The following PAX3 variants were observed in gnomAD, a reference collection of about 807,000 sequenced individuals.
PAX3 encodes the protein paired box protein Pax-3.
A neutral mutation model predicts 51.6 loss-of-function variants in PAX3; 14 were observed. The ratio of observed to expected loss-of-function variants is 0.27; its 90% CI spans 0.18 to 0.42. PAX3 has a LOEUF of 0.42. Ranked by LOEUF, PAX3 falls within the 10% of genes least tolerant of loss-of-function variation. The pLI is 1.00. For missense variants in PAX3, 540 were observed against 642.8 expected (o/e 0.84, Z 1.73); for synonymous variants, 280 against 253.4 (o/e 1.11, Z -1.00).
intron 4 of PAX3, among the ~76,000 whole-genome samples, chr2:222,233,746 T>G (rs1692698143): frequency 6.6e-6 from 1 of 152,148 alleles, no homozygotes; most frequent in Non-Finnish European, 1.5e-5. Context: ...AGCCTGGCTC[T>G]TGAACACATC....
At chr2:222,267,077 A>C (rs1694079113) in intron 4 of PAX3, among the ~76,000 whole-genome samples, 1 of 152,368 alleles carries the variant, frequency 6.6e-6, no homozygotes, top group East Asian at 1.9e-4. Context: ...GAGATTGCAC[A>C]TGATTCTAAC....
chr2:222,258,657 A>G (rs1693736061), intron 4 of PAX3, among the ~76,000 whole-genome samples: 1 of 152,176 alleles, frequency 6.6e-6, no homozygotes, highest in Non-Finnish European at 1.5e-5. Context: ...ATGCATCTAT[A>G]TGCTTCTCCC....
intron 5 of PAX3, among the ~76,000 whole-genome samples, chr2:222,228,872 G>A (rs1260079214): frequency 2.0e-5 from 3 of 152,228 alleles, no homozygotes; most frequent in East Asian, 1.9e-4. Context: ...TTGGAAGATC[G>A]AGGCTACACA....
intron 4 of PAX3, chr2:222,263,427 T>A (rs1693936860): frequency 6.6e-6 from 1 of 152,090 alleles, no homozygotes; most frequent in Non-Finnish European, 1.5e-5. Flanking sequence ...AAATTAAATG[T>A]CACTAAGAAT....
chr2:222,213,662 C>T (rs1483307398), intron 7 of PAX3, among the ~76,000 whole-genome samples: 2 of 152,210 alleles, frequency 1.3e-5, no homozygotes, highest in Non-Finnish European at 2.9e-5. Flanking sequence ...ATCAAAATCA[C>T]TCCTTTCTCT....
At chr2:222,228,279 C>T (rs987467876) in intron 5 of PAX3, among the ~76,000 whole-genome samples, 7 of 152,252 alleles carry the variant, frequency 4.6e-5, no homozygotes, top group South Asian at 2.1e-4. Context: ...CAAGAGTCAC[C>T]GGGTTAAAGC....
At chr2:222,281,825 C>A (rs1385212411) in intron 4 of PAX3, among the ~76,000 whole-genome samples, 1 of 152,154 alleles carries the variant, frequency 6.6e-6, no homozygotes, top group Non-Finnish European at 1.5e-5. Context: ...TAATGCAGGC[C>A]TGTTTCCATC....
intron 4 of PAX3, among the ~76,000 whole-genome samples, chr2:222,289,461 G>A (rs1226358041): frequency 6.6e-6 from 1 of 152,168 alleles, no homozygotes; most frequent in African/African-American, 2.4e-5. Flanking sequence ...GCCGCGCGCT[G>A]ACTGGTTCCG....
chr2:222,219,997 A>G, intron 7 of PAX3, 143 bp downstream of exon 7: 2 of 739,408 alleles, frequency 2.7e-6, no homozygotes, highest in South Asian at 3.5e-5. Flanking sequence ...GAGAGAAAGG[A>G]AACCAGAAAA....
chr2:222,249,627 A>G (rs1428837401), intron 4 of PAX3, among the ~76,000 whole-genome samples: 1 of 152,196 alleles, frequency 6.6e-6, no homozygotes, highest in Admixed American at 6.5e-5. Flanking sequence ...TTTCTTCTGC[A>G]TAGTCTACAA....
intron 4 of PAX3, among the ~76,000 whole-genome samples, chr2:222,286,172 A>G (rs1304464322): frequency 6.6e-6 from 1 of 152,178 alleles, no homozygotes; most frequent in Non-Finnish European, 1.5e-5. Flanking sequence ...TCCTAACCTC[A>G]GGTGATCCAC....
At chr2:222,273,249 G>C (rs1694311037) in intron 4 of PAX3, among the ~76,000 whole-genome samples, 1 of 152,108 alleles carries the variant, frequency 6.6e-6, no homozygotes, top group Non-Finnish European at 1.5e-5. Context: ...ACTGAATCTA[G>C]CAGTATGGAA....
chr2:222,205,638 T>TTA (rs1691476078), intron 7 of PAX3, among the ~76,000 whole-genome samples: 1 of 152,210 alleles, frequency 6.6e-6, no homozygotes, highest in Non-Finnish European at 1.5e-5. Flanking sequence ...ATAATGTGAT[T>TTA]TATTTCAATA....
intron 7 of PAX3, 102 bp downstream of exon 7, chr2:222,220,038 A>T (rs1040142783): frequency 1.0e-6 from 1 of 983,124 alleles, no homozygotes; most frequent in African/African-American, 1.6e-5. Context: ...TAAAGAATAC[A>T]TTATGGTTTA....
Position 222,298,525 on chromosome 2 carries a change from C to T in PAX3, c.85+6G>A, listed in dbSNP as rs777068833. ...ATCCAGGCGGCGCGCTGAGGCCCTC[C>T]CTTACCTTCCAGCGGGAACCCGCTA... On this transcript the variant is annotated splice_donor_region_variant and intron_variant, in intron 1 of 8. Coordinates refer to ENST00000392070, the MANE Select transcript of PAX3 (RefSeq NM_181458.4). 4.8e-5 allele frequency: 77 copies of T among 1,599,770 alleles called. No homozygotes were observed. The highest frequency in any genetic ancestry group is 4.3e-5 in the Non-Finnish European group (50 of 1,173,814).
intron 1 of PAX3, among the ~76,000 whole-genome samples, 186 bp from the exon 2 acceptor site, chr2:222,297,399 A>C (rs1186897366): frequency 6.6e-6 from 1 of 152,254 alleles, no homozygotes; most frequent in Non-Finnish European, 1.5e-5. Flanking sequence ...CAAATTATTC[A>C]GCAATATAGC....
intron 4 of PAX3, among the ~76,000 whole-genome samples, chr2:222,280,318 G>GGGGGA (rs926564018): frequency 1.5e-5 from 2 of 137,440 alleles, no homozygotes; most frequent in Admixed American, 1.5e-4. Context: ...GGAGGGAGGA[G>GGGGGA]GGGGAGGGGA....
chr2:222,269,830 G>C (rs1694187611), intron 4 of PAX3, among the ~76,000 whole-genome samples: 1 of 152,104 alleles, frequency 6.6e-6, no homozygotes, highest in Non-Finnish European at 1.5e-5. Flanking sequence ...CTTTAACATA[G>C]AAGGAAAAAA....
At chr2:222,279,319 G>GTGTGTGTA (rs1694551363) in intron 4 of PAX3, among the ~76,000 whole-genome samples, 2 of 151,130 alleles carry the variant, frequency 1.3e-5, no homozygotes, top group Admixed American at 1.4e-4. Flanking sequence ...GTGTGTGTGT[G>GTGTGTGTA]TGTGTGTGTG....
Sources: allele counts gnomAD v4.1 joint callset (sites outside exome capture counted in the v4.1 genomes callset), GRCh38; gene constraint gnomAD v4.1.1; transcripts MANE v1.5; gene names NCBI Gene and HGNC (gene_info 2026-07-23, HGNC 2026-07-21).